Variants in NKAIN3 observed in about 807,000 individuals in gnomAD.
NKAIN3 encodes sodium/potassium transporting ATPase interacting 3, also known as sodium/potassium-transporting ATPase subunit beta-1-interacting protein 3.
Under a neutral mutation model 30.2 loss-of-function variants are expected in NKAIN3, and 25 were observed. That is an observed-to-expected ratio of 0.83 (90% CI 0.60 to 1.16). The LOEUF is 1.16. Ranked by LOEUF, NKAIN3 falls within the 50% of genes most tolerant of loss-of-function variation. NKAIN3 has a pLI of 0.00. For missense variants in NKAIN3, 225 were observed against 254.1 expected, an observed-to-expected ratio of 0.89 and a Z score of 0.78; for synonymous variants, 91 against 89.6, an observed-to-expected ratio of 1.02 and a Z score of -0.09.
intron 3 of NKAIN3, among the ~76,000 whole-genome samples, chr8:62,602,436 A>G (rs1212774952): frequency 6.6e-6 from 1 of 152,126 alleles, no homozygotes; most frequent in African/African-American, 2.4e-5. Flanking sequence ...TATTGACTCA[A>G]CTCATGGGAT....
At position 62,969,059 on chromosome 8, in the gene NKAIN3, T is replaced by C. The variant is rs372317463; in HGVS notation, c.*3652T>C. Among the ~76,000 whole-genome samples the C allele has an allele frequency of 7.2e-5, 11 of 152,322 alleles. No individual in the cohort carries two copies. In the East Asian group the frequency reaches 1.5e-3, roughly 21 times the overall value. On this transcript the variant is annotated 3_prime_UTR_variant, in exon 7 of 7. Coordinates refer to ENST00000623646, the MANE Select transcript of NKAIN3 (RefSeq NM_001304533.3). ...AAAGTGAGGGTATGTGTCCCTCAAATGAGAAAAATGAAAACACACTTTCTT... is the reference window on the plus strand; with the variant it reads ...AAAGTGAGGGTATGTGTCCCTCAAACGAGAAAAATGAAAACACACTTTCTT...
At chr8:62,350,455 G>A (rs953431721) in intron 1 of NKAIN3, among the ~76,000 whole-genome samples, 1 of 152,120 alleles carries the variant, frequency 6.6e-6, no homozygotes, top group Non-Finnish European at 1.5e-5. Flanking sequence ...GTTACTGGGG[G>A]CTGGGGACAG....
intron 1 of NKAIN3, among the ~76,000 whole-genome samples, chr8:62,553,708 T>C (rs1354184954): frequency 6.6e-6 from 1 of 151,908 alleles, no homozygotes; most frequent in East Asian, 1.9e-4. Flanking sequence ...GGCTAATTTT[T>C]GTATTTTCTA....
Position 62,272,395 on chromosome 8 carries a change from C to T in NKAIN3, c.54+23268C>T, listed in dbSNP as rs146939671. Among the ~76,000 whole-genome samples the T allele has an allele frequency of 7.7e-3, 1,179 of 152,188 alleles. 13 individuals carry two copies. The highest frequency in any genetic ancestry group is 0.027 in the African/African-American group (1,109 of 41,518). On this transcript the variant is annotated intron_variant, in intron 1 of 6. Coordinates refer to ENST00000623646, the MANE Select transcript of NKAIN3 (RefSeq NM_001304533.3). The stretch of plus-strand genomic sequence containing the variant: ...GTGATGAACAGGAAGTCCTGTGCAA[C>T]GAGGAATTCTTGCCTACGATAGTAA...
chr8:62,870,127 C>T (rs935014794), intron 4 of NKAIN3, among the ~76,000 whole-genome samples: 1 of 148,660 alleles, frequency 6.7e-6, no homozygotes, highest in African/African-American at 2.5e-5. Context: ...GGCTTCTCTT[C>T]TTCACCAGCT....
At chr8:62,783,568 A>G (rs1817423964) in intron 4 of NKAIN3, among the ~76,000 whole-genome samples, 1 of 151,968 alleles carries the variant, frequency 6.6e-6, no homozygotes, top group South Asian at 2.1e-4. Context: ...GATACTCTGT[A>G]AAACGTTCCA....
intron 1 of NKAIN3, among the ~76,000 whole-genome samples, chr8:62,284,667 G>C (rs762372594): frequency 6.6e-5 from 10 of 152,012 alleles, no homozygotes. Context: ...AATGTAGACT[G>C]TGTGGTGCTT....
At chr8:62,328,620 T>A (rs1273245321) in intron 1 of NKAIN3, among the ~76,000 whole-genome samples, 1 of 152,122 alleles carries the variant, frequency 6.6e-6, no homozygotes. Flanking sequence ...CCTTAACATC[T>A]CAGAGATTAT....
intron 1 of NKAIN3, among the ~76,000 whole-genome samples, chr8:62,458,138 A>T (rs1369757755): frequency 1.3e-5 from 2 of 152,168 alleles, no homozygotes; most frequent in Non-Finnish European, 2.9e-5. Context: ...AAGTATCTGC[A>T]TGTCTAACTC....
chr8:62,806,026 T>C (rs187525686), intron 4 of NKAIN3, among the ~76,000 whole-genome samples: 1 of 152,190 alleles, frequency 6.6e-6, no homozygotes, highest in Non-Finnish European at 1.5e-5. Context: ...AGAAGTCGTT[T>C]ATGCAGCCAA....
At position 62,589,779 on chromosome 8, in the gene NKAIN3, A is replaced by C; in HGVS notation, c.258A>C (p.Val86=). Reference sequence around the variant, plus strand: ...TCATTATCTGCTTTTATTTGGAAGTAGGTGGACTCTCAAAGGTGAGTTTAT... The same window carrying C: ...TCATTATCTGCTTTTATTTGGAAGTCGGTGGACTCTCAAAGGTGAGTTTAT... ...NVFIICFYLE[V]GGLSKDTDLM... is the part of the protein sequence containing the mutation. Residue 86 remains valine, a synonymous_variant, in exon 3 of 7, where the codon GTA becomes GTC. Coordinates refer to ENST00000623646, the MANE Select transcript of NKAIN3 (RefSeq NM_001304533.3). The C allele has an allele frequency of 6.3e-7, 1 of 1,599,958 alleles. No homozygotes were observed. The highest frequency in any genetic ancestry group is 8.6e-7 in the Non-Finnish European group (1 of 1,169,246).
intron 1 of NKAIN3, among the ~76,000 whole-genome samples, chr8:62,435,077 AAGG>A (rs1224767987): frequency 6.6e-6 from 1 of 152,110 alleles, no homozygotes; most frequent in Non-Finnish European, 1.5e-5. Context: ...GGGTGGAAAT[AAGG>A]AGGAGATTTT....
At chr8:62,857,838 GT>G (rs1820108282) in intron 4 of NKAIN3, among the ~76,000 whole-genome samples, 1 of 152,166 alleles carries the variant, frequency 6.6e-6, no homozygotes, top group Non-Finnish European at 1.5e-5. Context: ...GCCTACTTCT[GT>G]CATTTCAGCA....
chr8:62,756,107 T>C (rs904430997), intron 4 of NKAIN3, among the ~76,000 whole-genome samples: 1 of 152,228 alleles, frequency 6.6e-6, no homozygotes, highest in Non-Finnish European at 1.5e-5. Context: ...TCACATACCA[T>C]ACAATTCATC....
At chr8:62,503,927 G>A (rs967570337) in intron 1 of NKAIN3, among the ~76,000 whole-genome samples, 7 of 152,142 alleles carry the variant, frequency 4.6e-5, no homozygotes, top group Non-Finnish European at 1.0e-4. Flanking sequence ...CTGAGGTGAT[G>A]TACCTCCTCA....
At chr8:62,616,315 A>C (rs574519811) in intron 3 of NKAIN3, among the ~76,000 whole-genome samples, 2 of 152,196 alleles carry the variant, frequency 1.3e-5, no homozygotes, top group South Asian at 4.2e-4. Context: ...CAGACTACTC[A>C]CACTTCTGTC....
intron 1 of NKAIN3, among the ~76,000 whole-genome samples, chr8:62,429,096 C>T (rs1460279237): frequency 6.6e-6 from 1 of 151,722 alleles, no homozygotes; most frequent in Non-Finnish European, 1.5e-5. Flanking sequence ...GCCTTTTCCC[C>T]ATTGTATGTT....
At position 62,531,047 on chromosome 8, in the gene NKAIN3, A is replaced by G. The variant is rs774525806; in HGVS notation, c.55-48492A>G. ...AGGAATCCTGGTTTGCATAATGTTC[A>G]TATGTTTTCTCTCTCTCTGCCCACA... On this transcript the variant is annotated intron_variant, in intron 1 of 6. Transcript: ENST00000623646. Among the ~76,000 whole-genome samples the G allele has an allele frequency of 4.7e-4, 71 of 152,106 alleles. 1 individual carries two copies. The highest frequency in any genetic ancestry group is 2.6e-4 in the Admixed American group (4 of 15,272).
At chr8:62,638,346 G>A (rs1812199356) in intron 3 of NKAIN3, among the ~76,000 whole-genome samples, 1 of 152,042 alleles carries the variant, frequency 6.6e-6, no homozygotes, top group Admixed American at 6.6e-5. Context: ...CCTAATCTGA[G>A]AAGTACATTC....
Sources: gnomAD v4.1 joint callset for allele counts (sites outside exome capture counted in the v4.1 genomes callset) on GRCh38, gnomAD v4.1.1 for gene constraint, MANE v1.5 for transcripts, NCBI Gene and HGNC (gene_info 2026-07-23, HGNC 2026-07-21) for gene names.